C6: variants seen among roughly 807,000 people sequenced by gnomAD.
The protein encoded by C6 is complement component C6.
A neutral mutation model predicts 112.9 loss-of-function variants in C6; 101 were observed. The ratio of observed to expected loss-of-function variants is 0.89; its 90% CI spans 0.76 to 1.06. The LOEUF (loss-of-function observed/expected upper bound fraction) is 1.06, where lower values mean the gene tolerates loss of function less well. C6 is among the 50% of genes least tolerant of loss of function. The probability of loss-of-function intolerance (pLI) is 0.00; values close to 1 mark genes in which losing one functional copy is unlikely to be tolerated. For missense variants in C6, 1,202 were observed against 1,104.6 expected (o/e 1.09, Z -1.25); for synonymous variants, 431 against 384.1 (o/e 1.12, Z -1.43).
chr5:41,145,449 T>C (rs1420642157), intron 17 of C6, among the ~76,000 whole-genome samples: 3 of 152,154 alleles, frequency 2.0e-5, no homozygotes, highest in Non-Finnish European at 2.9e-5. Flanking sequence ...GGTATAAGTG[T>C]ACAAAAAAGA....
chr5:41,167,450 C>T (rs147577932), intron 9 of C6, among the ~76,000 whole-genome samples: 22 of 152,170 alleles, frequency 1.4e-4, no homozygotes, highest in African/African-American at 2.4e-4. Flanking sequence ...GAATATTGGA[C>T]ATGTGGTAAC....
chr5:41,256,612 G>A (rs1741729763), intron 1 of C6, among the ~76,000 whole-genome samples: 1 of 152,018 alleles, frequency 6.6e-6, no homozygotes, highest in African/African-American at 2.4e-5. Flanking sequence ...TCACACAGGG[G>A]TTTCTCAATG....
chr5:41,213,168 C>T lies in C6; in HGVS notation c.-21+208G>A, dbSNP rs929502914. ...AATTTAACTCATAGAGAAACTTGAT[C>T]TCAAATGTCCTCTGGAATGACATTT... On this transcript the variant is annotated intron_variant, in intron 1 of 17. Coordinates refer to ENST00000337836, the MANE Select transcript of C6 (RefSeq NM_000065.5). The T allele has an allele frequency of 1.9e-5, 3 of 156,464 alleles. No homozygotes were observed. The East Asian group carries it at 5.8e-4, about 30-fold the overall frequency. The allele number at this position is 156,464 out of a possible 1,614,324, so 9.7% of individuals were successfully genotyped here.
chr5:41,204,489 C>T (rs968579851), intron 1 of C6, among the ~76,000 whole-genome samples: 7 of 152,132 alleles, frequency 4.6e-5, no homozygotes, highest in African/African-American at 1.2e-4. Flanking sequence ...TATATTTCTA[C>T]GTGATTAGTT....
At chr5:41,146,035 T>C (rs1414791321) in intron 17 of C6, among the ~76,000 whole-genome samples, 1 of 152,192 alleles carries the variant, frequency 6.6e-6, no homozygotes, top group Non-Finnish European at 1.5e-5. Context: ...AATGCTCTTA[T>C]CACATCCTGA....
chr5:41,209,147 A>G (rs1751686861), intron 1 of C6, among the ~76,000 whole-genome samples: 1 of 152,238 alleles, frequency 6.6e-6, no homozygotes. Context: ...AGATGCAGAA[A>G]AGGCCTTCGA....
At chr5:41,258,876 T>C (rs1290662221) in intron 1 of C6, among the ~76,000 whole-genome samples, 1 of 152,164 alleles carries the variant, frequency 6.6e-6, no homozygotes, top group Non-Finnish European at 1.5e-5. Flanking sequence ...TGAGATTCAC[T>C]TATTGTCATG....
chr5:41,256,936 G>A (rs1308529997), intron 1 of C6, among the ~76,000 whole-genome samples: 5 of 152,246 alleles, frequency 3.3e-5, no homozygotes, highest in Non-Finnish European at 5.9e-5. Context: ...TCTGAATGAG[G>A]TAGGCTTTCT....
chr5:41,211,128 A>G (rs971206016), intron 1 of C6, among the ~76,000 whole-genome samples: 1 of 152,178 alleles, frequency 6.6e-6, no homozygotes, highest in Non-Finnish European at 1.5e-5. Context: ...TGAGCAAACT[A>G]TCACAAGGAC....
intron 9 of C6, among the ~76,000 whole-genome samples, chr5:41,169,367 A>T (rs1283679923): frequency 1.3e-5 from 2 of 152,048 alleles, no homozygotes; most frequent in Admixed American, 6.6e-5. Context: ...TATCCCTGAC[A>T]AGCAGCAAAG....
intron 1 of C6, among the ~76,000 whole-genome samples, chr5:41,209,681 G>A (rs1347042981): frequency 6.6e-6 from 1 of 152,130 alleles, no homozygotes; most frequent in East Asian, 1.9e-4. Context: ...ACCTCTTCAA[G>A]GAGAACTACA....
intron 5 of C6, among the ~76,000 whole-genome samples, chr5:41,194,688 G>A (rs1040589102): frequency 3.9e-5 from 6 of 151,912 alleles, no homozygotes; most frequent in African/African-American, 1.2e-4. Flanking sequence ...TCTTTATTAT[G>A]TAAAGGGGAG....
intron 1 of C6, among the ~76,000 whole-genome samples, chr5:41,241,485 T>A (rs1295176019): frequency 6.6e-6 from 1 of 152,194 alleles, no homozygotes; most frequent in Non-Finnish European, 1.5e-5. Flanking sequence ...TGTGATTCCC[T>A]GGACATAGAC....
intron 9 of C6, among the ~76,000 whole-genome samples, chr5:41,163,404 C>T (rs1747709555): frequency 6.6e-6 from 1 of 151,806 alleles, no homozygotes; most frequent in Non-Finnish European, 1.5e-5. Flanking sequence ...CCTCTGCCTC[C>T]TGGGTTCAAG....
At chr5:41,247,601 C>G (rs1741099534) in intron 1 of C6, among the ~76,000 whole-genome samples, 1 of 151,480 alleles carries the variant, frequency 6.6e-6, no homozygotes, top group African/African-American at 2.4e-5. Context: ...GCCTGTAGTC[C>G]CAGCTACTCA....
chr5:41,224,897 T>C (rs760193536), intron 1 of C6, among the ~76,000 whole-genome samples: 1 of 152,172 alleles, frequency 6.6e-6, no homozygotes, highest in African/African-American at 2.4e-5. Context: ...TTTCTTTGCA[T>C]CCTTGCCAAC....
intron 9 of C6, among the ~76,000 whole-genome samples, chr5:41,170,005 A>G (rs1374989687): frequency 6.6e-6 from 1 of 152,182 alleles, no homozygotes; most frequent in Non-Finnish European, 1.5e-5. Context: ...AGTAGGACTT[A>G]ATACTGTATT....
At chr5:41,212,519 C>T (rs2150395105) in intron 1 of C6, among the ~76,000 whole-genome samples, 1 of 152,232 alleles carries the variant, frequency 6.6e-6, no homozygotes, top group African/African-American at 2.4e-5. Context: ...GATGGCCTAG[C>T]ATATTGTATT....
intron 1 of C6, among the ~76,000 whole-genome samples, chr5:41,227,599 A>G (rs1030420429): frequency 1.3e-5 from 2 of 152,096 alleles, no homozygotes; most frequent in Admixed American, 6.6e-5. Flanking sequence ...TTTTCTTCCA[A>G]TAGTTTCAAA....
Sources: allele counts gnomAD v4.1 joint callset (sites outside exome capture counted in the v4.1 genomes callset), GRCh38; gene constraint gnomAD v4.1.1; transcripts MANE v1.5; gene names NCBI Gene and HGNC (gene_info 2026-07-23, HGNC 2026-07-21).